The following ATP2B4 variants were observed in gnomAD, a reference collection of about 807,000 sequenced individuals.
The protein encoded by ATP2B4 is ATPase plasma membrane Ca2+ transporting 4.
ATP2B4 carries 39 observed loss-of-function variants against 110.3 expected under a neutral mutation model. The ratio of observed to expected loss-of-function variants is 0.35; its 90% CI spans 0.27 to 0.46. The LOEUF (loss-of-function observed/expected upper bound fraction) is 0.46, where lower values mean the gene tolerates loss of function less well. Among genes scored for constraint, ATP2B4 ranks in the 20% least tolerant of loss-of-function variants. ATP2B4 has a pLI of 1.00. For synonymous variants in ATP2B4, 538 were observed against 571.7 expected (o/e 0.94, Z 0.84); for missense variants, 1,135 against 1,530.9 (o/e 0.74, Z 4.32).
At chr1:203,680,563 C>T (rs1410434960) in intron 1 of ATP2B4, among the ~76,000 whole-genome samples, 2 of 146,012 alleles carry the variant, frequency 1.4e-5, no homozygotes, top group African/African-American at 2.5e-5. Context: ...GAGCTGAGAT[C>T]GCGCCACTGC....
chr1:203,646,366 A>G (rs1245181225), intron 1 of ATP2B4, among the ~76,000 whole-genome samples: 3 of 152,146 alleles, frequency 2.0e-5, no homozygotes, highest in Non-Finnish European at 4.4e-5. Flanking sequence ...GTAGTCCAGC[A>G]CTTTGAGAGG....
intron 8 of ATP2B4, among the ~76,000 whole-genome samples, chr1:203,705,099 G>T (rs1425913663): frequency 6.6e-6 from 1 of 152,222 alleles, no homozygotes; most frequent in Non-Finnish European, 1.5e-5. Context: ...TAAAAATCCA[G>T]TTGCTGGGGT....
At chr1:203,627,940 G>A (rs150032241) in intron 1 of ATP2B4, among the ~76,000 whole-genome samples, 1 of 152,232 alleles carries the variant, frequency 6.6e-6, no homozygotes, top group South Asian at 2.1e-4. Context: ...TACCGCTGTT[G>A]TTTGAGTGTG....
chr1:203,717,137 G>T (rs1459139173), intron 15 of ATP2B4, among the ~76,000 whole-genome samples: 1 of 151,890 alleles, frequency 6.6e-6, no homozygotes. Flanking sequence ...GGCAGAGGTT[G>T]CAGTGAGCCA....
chr1:203,673,519 C>A (rs1369902601), intron 1 of ATP2B4, among the ~76,000 whole-genome samples: 1 of 152,206 alleles, frequency 6.6e-6, no homozygotes, highest in Admixed American at 6.5e-5. Flanking sequence ...CAGCATGGAG[C>A]CCTCGCTGAT....
intron 20 of ATP2B4, chr1:203,733,415 A>G (rs1244700142): frequency 1.9e-6 from 3 of 1,597,340 alleles, no homozygotes; most frequent in Middle Eastern, 1.7e-4. Context: ...GTGATAGTCT[A>G]TTATGATGCA....
intron 6 of ATP2B4, 32 bp from the exon 7 acceptor site, chr1:203,702,012 C>T (rs372232300): frequency 5.2e-5 from 84 of 1,613,428 alleles, no homozygotes; most frequent in Admixed American, 1.7e-4. Context: ...CTTTGGGTTT[C>T]GACCCCACTT....
At chr1:203,669,735 C>A (rs1361975285) in intron 1 of ATP2B4, among the ~76,000 whole-genome samples, 1 of 152,214 alleles carries the variant, frequency 6.6e-6, no homozygotes, top group Non-Finnish European at 1.5e-5. Flanking sequence ...CCGTTCCTGG[C>A]CCCTTTCTGG....
At chr1:203,636,567 C>A (rs1663444921) in intron 1 of ATP2B4, among the ~76,000 whole-genome samples, 1 of 152,108 alleles carries the variant, frequency 6.6e-6, no homozygotes, top group Non-Finnish European at 1.5e-5. Flanking sequence ...AGGGGGCAGA[C>A]AGGGAGGAGT....
intron 1 of ATP2B4, among the ~76,000 whole-genome samples, chr1:203,648,398 G>C (rs1463813579): frequency 6.6e-6 from 1 of 152,202 alleles, no homozygotes; most frequent in African/African-American, 2.4e-5. Context: ...TGGGGACAAA[G>C]ACAATGTCTA....
chr1:203,687,518 A>G (rs1665233783), intron 2 of ATP2B4, among the ~76,000 whole-genome samples: 1 of 152,210 alleles, frequency 6.6e-6, no homozygotes, highest in African/African-American at 2.4e-5. Flanking sequence ...AATAAGAATA[A>G]AGAAATGTAC....
In ATP2B4 at chr1:203,721,654, C is replaced by CTT. The variant is rs940034577; in HGVS notation, c.2812+262_2812+263dup. ...GGGAGGCTTTATTATTTCTTTCTTT[C>CTT]TTTTTTTTTTTTTTTTTTTCTTTTT... On this transcript the variant is annotated intron_variant, in intron 17 of 20. Coordinates refer to ENST00000357681, the MANE Select transcript of ATP2B4 (RefSeq NM_001684.5). 1.8e-3 allele frequency among the ~76,000 whole-genome samples: 209 copies of CTT among 116,604 alleles called. 2 individuals carry two copies. The highest frequency in any genetic ancestry group is 4.2e-3 in the African/African-American group (122 of 29,216). 76.5% of individuals were successfully genotyped at this position (116,604 alleles called of 152,430 possible).
At chr1:203,737,990 C>A (rs1666913585) in intron 20 of ATP2B4, among the ~76,000 whole-genome samples, 1 of 152,094 alleles carries the variant, frequency 6.6e-6, no homozygotes, top group East Asian at 1.9e-4. Flanking sequence ...GTGATCCAAC[C>A]AGTTTATTTG....
chr1:203,648,280 G>C (rs767838495), intron 1 of ATP2B4, among the ~76,000 whole-genome samples: 1 of 151,712 alleles, frequency 6.6e-6, no homozygotes, highest in African/African-American at 2.4e-5. Context: ...TTAAAGAAAA[G>C]AAGTGTTTTT....
Position 203,630,363 on chromosome 1 carries a change from CTCTCTCT to C in ATP2B4, c.-465+3146_-465+3152del, listed in dbSNP as rs1266479248. Among the ~76,000 whole-genome samples the C allele has an allele frequency of 4.1e-4, 9 of 21,848 alleles. No homozygotes were observed. The South Asian group carries it at 0.014, about 35-fold the overall frequency. 14.3% of individuals were successfully genotyped at this position (21,848 alleles called of 152,430 possible). A position where few individuals can be genotyped will look rare whatever the true frequency, so the allele number is the denominator to read the frequency against. On this transcript the variant is annotated intron_variant, in intron 1 of 20. Transcript: ENST00000357681. Reference sequence around the variant, plus strand: ...AAACCCCTTTTCTCTCTCTCTCTCTCTCTCTCTTTTTTTTTTTTTTTTTTCAATGCTC... The same window carrying C: ...AAACCCCTTTTCTCTCTCTCTCTCTCTTTTTTTTTTTTTTTTTCAATGCTC...
At position 203,700,240 on chromosome 1, in the gene ATP2B4, A is replaced by G. The variant is rs1251129260; in HGVS notation, c.684A>G (p.Gln228=). The G allele has an allele frequency of 1.2e-6, 2 of 1,613,856 alleles. No individual in the cohort carries two copies. Among genetic ancestry groups the G allele is most frequent in the Non-Finnish European group, 8.5e-7 (1 of 1,179,830 alleles). Residue 228 remains glutamine, a synonymous_variant, in exon 5 of 21, where the codon CAA becomes CAG. Transcript: ENST00000357681. ...DLLPADGILI[Q]GNDLKIDESS... is the part of the protein sequence containing the mutation. ...TGCCTGCAGATGGAATCCTGATCCAAGGGAATGATCTGAAGATTGATGAGA... is the reference window on the plus strand; with the variant it reads ...TGCCTGCAGATGGAATCCTGATCCAGGGGAATGATCTGAAGATTGATGAGA...
At chr1:203,711,246 T>TGG in intron 12 of ATP2B4, 138 bp downstream of exon 12, 1 of 743,124 alleles carries the variant, frequency 1.3e-6, no homozygotes, top group South Asian at 1.8e-5. Flanking sequence ...TTCACAGGAC[T>TGG]GCTGTGGAGT....
At chr1:203,648,725 C>T (rs1334324372) in intron 1 of ATP2B4, among the ~76,000 whole-genome samples, 1 of 152,190 alleles carries the variant, frequency 6.6e-6, no homozygotes, top group Non-Finnish European at 1.5e-5. Flanking sequence ...GTAGTTTGTC[C>T]CCTGGCCCAT....
intron 18 of ATP2B4, among the ~76,000 whole-genome samples, 153 bp from the exon 19 acceptor site, chr1:203,723,728 G>C (rs1041597133): frequency 1.3e-5 from 2 of 152,056 alleles, no homozygotes; most frequent in African/African-American, 4.8e-5. Context: ...TCCCCTTTGA[G>C]ATTTCTTCTT....
Sources: allele counts gnomAD v4.1 joint callset (sites outside exome capture counted in the v4.1 genomes callset), GRCh38; gene constraint gnomAD v4.1.1; transcripts MANE v1.5; gene names NCBI Gene and HGNC (gene_info 2026-07-23, HGNC 2026-07-21).